SUPT3H: variants seen among roughly 807,000 people sequenced by gnomAD.
The protein encoded by SUPT3H is SPT3 homolog, SAGA and STAGA complex component, also known as transcription initiation protein SPT3 homolog.
A neutral mutation model predicts 44.3 loss-of-function variants in SUPT3H; 44 were observed. That is an observed-to-expected ratio of 0.99 (90% CI 0.78 to 1.28). The LOEUF is 1.28. Among genes scored for constraint, SUPT3H ranks in the 50% most tolerant of loss-of-function variants. The pLI is 0.00. For synonymous variants in SUPT3H, 124 were observed against 125.6 expected (o/e 0.99, Z 0.09); for missense variants, 380 against 387.1 (o/e 0.98, Z 0.15).
intron 9 of SUPT3H, among the ~76,000 whole-genome samples, chr6:44,933,927 T>TA (rs1471800152): frequency 1.3e-5 from 2 of 152,192 alleles, no homozygotes; most frequent in African/African-American, 4.8e-5. Context: ...TAGCTAGTAA[T>TA]AGTATTAGGT....
At chr6:45,022,415 GTTTT>G (rs3053670) in intron 3 of SUPT3H, among the ~76,000 whole-genome samples, 22 of 141,532 alleles carry the variant, frequency 1.6e-4, no homozygotes, top group Admixed American at 3.5e-4. Flanking sequence ...TGGAATCACT[GTTTT>G]TTTTTTTTTT....
intron 2 of SUPT3H, among the ~76,000 whole-genome samples, chr6:45,113,969 T>C (rs1337466364): frequency 1.3e-5 from 2 of 152,162 alleles, no homozygotes; most frequent in African/African-American, 4.8e-5. Context: ...ATAATTTAAC[T>C]GAACTTTGAG....
At chr6:44,842,612 AT>A (rs201394927) in intron 10 of SUPT3H, among the ~76,000 whole-genome samples, 23 of 151,292 alleles carry the variant, frequency 1.5e-4, no homozygotes, top group Admixed American at 6.6e-4. Flanking sequence ...TCATATACCT[AT>A]TTTTTTTTAA....
intron 2 of SUPT3H, among the ~76,000 whole-genome samples, chr6:45,222,137 C>T (rs1766169418): frequency 1.3e-5 from 2 of 151,894 alleles, no homozygotes; most frequent in African/African-American, 2.4e-5. Flanking sequence ...AAATGTATCA[C>T]AGGTCTAAAT....
intron 10 of SUPT3H, among the ~76,000 whole-genome samples, chr6:44,913,255 C>T (rs1052357401): frequency 1.3e-5 from 2 of 152,164 alleles, no homozygotes; most frequent in African/African-American, 2.4e-5. Flanking sequence ...TGCTACAATG[C>T]TGAGAATTCT....
chr6:44,825,446 T>C (rs574707311), downstream of SUPT3H, among the ~76,000 whole-genome samples: 3 of 152,324 alleles, frequency 2.0e-5, no homozygotes, highest in African/African-American at 7.2e-5. Context: ...ACAGTCCACG[T>C]TGTGTAACAG....
intron 2 of SUPT3H, among the ~76,000 whole-genome samples, chr6:45,257,610 A>C (rs953002128): frequency 6.6e-5 from 10 of 152,174 alleles, no homozygotes; most frequent in East Asian, 1.9e-4. Flanking sequence ...ATTTATAATA[A>C]AAATTTATTG....
chr6:45,112,548 G>A (rs1156297757), intron 2 of SUPT3H, among the ~76,000 whole-genome samples: 2 of 152,072 alleles, frequency 1.3e-5, no homozygotes, highest in Non-Finnish European at 2.9e-5. Flanking sequence ...GAATAGAGGG[G>A]AAGGACTGAT....
intron 2 of SUPT3H, among the ~76,000 whole-genome samples, chr6:45,255,935 G>T (rs1773306553): frequency 6.6e-6 from 1 of 152,194 alleles, no homozygotes; most frequent in Non-Finnish European, 1.5e-5. Context: ...ACTTTGGGAG[G>T]CCGAGGCGGG....
chr6:44,809,744 C>T (rs1766384391), intron 11 of SUPT3H, among the ~76,000 whole-genome samples: 1 of 152,198 alleles, frequency 6.6e-6, no homozygotes, highest in African/African-American at 2.4e-5. Flanking sequence ...CCATAATCCA[C>T]ACTCCATAAA....
In SUPT3H at chr6:45,033,390, A is replaced by G. The variant is rs527894681; in HGVS notation, c.187-12758T>C. Among the ~76,000 whole-genome samples, 4 of 152,278 alleles carry G rather than the reference A, an allele frequency of 2.6e-5. No homozygotes were observed. In the South Asian group the frequency reaches 8.3e-4, roughly 32 times the overall value. ...TTCCTTCAATATATACTTATTGAGC[A>G]CCTAGTATAGGCCAGTCATGGGGCT... On this transcript the variant is annotated intron_variant, in intron 3 of 10. Transcript: ENST00000371459.
intron 3 of SUPT3H, among the ~76,000 whole-genome samples, chr6:45,039,268 C>T (rs1214849176): frequency 1.3e-5 from 2 of 152,102 alleles, no homozygotes; most frequent in East Asian, 1.9e-4. Context: ...TACTATACTT[C>T]CTTTGGGAAG....
At chr6:45,035,880 A>C (rs372259998) in intron 3 of SUPT3H, among the ~76,000 whole-genome samples, 108 of 152,264 alleles carry the variant, frequency 7.1e-4, no homozygotes, top group African/African-American at 2.6e-3. Flanking sequence ...CAATATCCCA[A>C]AATGGATGTT....
At chr6:45,302,227 C>T (rs907509236) in intron 2 of SUPT3H, among the ~76,000 whole-genome samples, 2 of 151,840 alleles carry the variant, frequency 1.3e-5, no homozygotes, top group South Asian at 2.1e-4. Context: ...ACACTGAACC[C>T]AATTTGTAGT....
intron 10 of SUPT3H, among the ~76,000 whole-genome samples, chr6:44,928,155 T>C (rs867144225): frequency 2.6e-5 from 4 of 152,140 alleles, no homozygotes; most frequent in South Asian, 2.1e-4. Context: ...ACCCTAGCCA[T>C]TTAGCTCCAG....
At position 45,073,033 on chromosome 6, in the gene SUPT3H, T is replaced by C. The variant is rs113873655; in HGVS notation, c.186+32889A>G. Among the ~76,000 whole-genome samples the C allele has an allele frequency of 8.9e-3, 1,357 of 152,280 alleles. 13 individuals carry two copies. The highest frequency in any genetic ancestry group is 0.025 in the South Asian group (120 of 4,832). ...GTTTTCTGATGTTTATTTGCCTAAA[T>C]ATGAATTTGAAAGAAATGACTTTCT... is the stretch of plus-strand genomic sequence containing the variant. On this transcript the variant is annotated intron_variant, in intron 3 of 10. Coordinates refer to ENST00000371459, the MANE Select transcript of SUPT3H (RefSeq NM_003599.4).
chr6:44,911,722 G>A (rs565690594), intron 10 of SUPT3H, among the ~76,000 whole-genome samples: 63 of 152,168 alleles, frequency 4.1e-4, no homozygotes, highest in African/African-American at 1.4e-3. Flanking sequence ...TTACATCTAG[G>A]CCTAAATATG....
intron 2 of SUPT3H, among the ~76,000 whole-genome samples, chr6:45,204,872 TCA>T (rs1476307244): frequency 6.6e-6 from 1 of 152,152 alleles, no homozygotes; most frequent in Non-Finnish European, 1.5e-5. Flanking sequence ...CCCATTTTTC[TCA>T]TTCTCACTAT....
At chr6:45,023,082 A>G (rs1785405574) in intron 3 of SUPT3H, among the ~76,000 whole-genome samples, 1 of 152,106 alleles carries the variant, frequency 6.6e-6, no homozygotes, top group Non-Finnish European at 1.5e-5. Flanking sequence ...CTTCAAAAAC[A>G]GGTGAGCATT....
Sources: allele counts gnomAD v4.1 joint callset (sites outside exome capture counted in the v4.1 genomes callset), GRCh38; gene constraint gnomAD v4.1.1; transcripts MANE v1.5; gene names NCBI Gene and HGNC (gene_info 2026-07-23, HGNC 2026-07-21).